The following CDK5RAP3 variants were observed in gnomAD, a reference collection of about 807,000 sequenced individuals.
The protein encoded by CDK5RAP3 is CDK5 regulatory subunit associated protein 3.
In CDK5RAP3, 58 loss-of-function variants were observed where a neutral mutation model predicts 73.3. That is an observed-to-expected ratio of 0.79 (90% CI 0.64 to 0.98). The LOEUF (loss-of-function observed/expected upper bound fraction) is 0.98. Among genes scored for constraint, CDK5RAP3 ranks in the 50% least tolerant of loss-of-function variants. CDK5RAP3 has a pLI of 0.00. For missense variants in CDK5RAP3, 525 were observed against 615.8 expected, an observed-to-expected ratio of 0.85 and a Z score of 1.56; for synonymous variants, 224 against 247.5, an observed-to-expected ratio of 0.91 and a Z score of 0.89.
At chr17:47,976,081 C>G in intron 8 of CDK5RAP3, 68 bp downstream of exon 8, 2 of 1,549,802 alleles carry the variant, frequency 1.3e-6, no homozygotes, top group Non-Finnish European at 1.8e-6. Context: ...CCACCCCCAA[C>G]AGCCCAACCC....
At chr17:47,980,491 T>C (rs1222223530) in intron 11 of CDK5RAP3, 102 bp from the exon 12 acceptor site, 4 of 1,007,574 alleles carry the variant, frequency 4.0e-6, no homozygotes, top group Non-Finnish European at 6.3e-6. Flanking sequence ...GGTCTTGAAC[T>C]CCTGGCCTCA....
Position 47,981,621 on chromosome 17 carries a change from A to C in CDK5RAP3, c.*119A>C, listed in dbSNP as rs1043577. On this transcript the variant is annotated 3_prime_UTR_variant, in exon 14 of 14. Coordinates refer to ENST00000338399, the MANE Select transcript of CDK5RAP3 (RefSeq NM_176096.3). ...CAGGCTGACTGGAAGATGGAAAGCC[A>C]CAGGAAGGAAGCGGCACCTGATGGT... is the stretch of plus-strand genomic sequence containing the variant. The C allele has an allele frequency of 6.3e-7, 1 of 1,586,936 alleles. No homozygotes were observed. The highest frequency in any genetic ancestry group is 1.1e-5 in the South Asian group (1 of 88,312).
upstream of CDK5RAP3, among the ~76,000 whole-genome samples, chr17:47,968,317 CAT>C (rs1042661955): frequency 6.6e-6 from 1 of 151,748 alleles, no homozygotes; most frequent in African/African-American, 2.4e-5. Flanking sequence ...TCATATATGA[CAT>C]ATATATATAT....
At chr17:47,970,739 T>G, upstream of CDK5RAP3, 1 of 1,533,660 alleles carries the variant, frequency 6.5e-7, no homozygotes, top group African/African-American at 1.4e-5. Context: ...TGCAACGGCC[T>G]CCCAGATCGG....
At chr17:47,972,546 C>T (rs1009277182) in intron 2 of CDK5RAP3, among the ~76,000 whole-genome samples, 1 of 152,196 alleles carries the variant, frequency 6.6e-6, no homozygotes, top group Non-Finnish European at 1.5e-5. Context: ...TTGGTGGTCA[C>T]GGGGGAAGCT....
chr17:47,975,631 T>C lies in CDK5RAP3; in HGVS notation c.631T>C (p.Ser211Pro), dbSNP rs755483548. ...GGAAGCCATTGACGTGTACCAGGCGTCTGTGGGGTTTGTGTGTGAGAGGTA... is the reference window on the plus strand; with the variant it reads ...GGAAGCCATTGACGTGTACCAGGCGCCTGTGGGGTTTGTGTGTGAGAGGTA... The part of the protein sequence containing the change: ...LGEAIDVYQA[S>P]VGFVCESPTE... Residue 211 changes from serine to proline, a missense_variant, in exon 7 of 14, where the codon TCT becomes CCT. Physicochemically the swap from Ser to Pro is moderately conservative, Grantham distance 74. Transcript: ENST00000338399. The C allele has an allele frequency of 1.2e-6, 2 of 1,603,462 alleles. No homozygotes were observed. Among genetic ancestry groups the C allele is most frequent in the Non-Finnish European group, 1.7e-6 (2 of 1,178,714 alleles).
Position 47,974,400 on chromosome 17 carries a change from G to C in CDK5RAP3, c.286G>C (p.Asp96His). Residue 96 changes from aspartate (D) to histidine (H), a missense_variant and splice_region_variant, in exon 5 of 14, where the codon GAT (aspartate) becomes CAT (histidine). Asp to His is a moderately conservative substitution (Grantham distance 81, BLOSUM62 -1). Transcript: ENST00000338399. ...FGRYSSQRMK[D>H]WQEIIALYEK... Reference sequence around the variant, plus strand: ...ACATTGTTTTTCTGTTCTTACTCAGGATTGGCAGGAGATTATAGCTCTGTA... The same window carrying C: ...ACATTGTTTTTCTGTTCTTACTCAGCATTGGCAGGAGATTATAGCTCTGTA... The C allele has an allele frequency of 6.2e-7, 1 of 1,613,626 alleles. No homozygotes were observed. The highest frequency in any genetic ancestry group is 8.5e-7 in the Non-Finnish European group (1 of 1,179,492).
rs911939889 is a variant in CDK5RAP3 at position 47,975,602 on chromosome 17, T to G, written c.602T>G (p.Leu201Arg). 6.2e-7 allele frequency: 1 copy of G among 1,608,394 alleles called. No individual in the cohort carries two copies. The highest frequency in any genetic ancestry group is 1.3e-5 in the African/African-American group (1 of 74,934). Residue 201 changes from leucine (L) to arginine (R), a missense_variant, in exon 7 of 14, where the codon CTG (leucine) becomes CGG (arginine). Coordinates refer to ENST00000338399, the MANE Select transcript of CDK5RAP3 (RefSeq NM_176096.3). Reference sequence around the variant, plus strand: ...ATTGGGGCAGCGGCTCAGCAGTCCCTGGGGGAAGCCATTGACGTGTACCAG... The same window carrying G: ...ATTGGGGCAGCGGCTCAGCAGTCCCGGGGGGAAGCCATTGACGTGTACCAG... ...AEIGAAAQQS[L>R]GEAIDVYQAS...
chr17:47,971,518 A>G, intron 2 of CDK5RAP3, 111 bp downstream of exon 2: 1 of 1,052,792 alleles, frequency 9.5e-7, no homozygotes, highest in Non-Finnish European at 1.4e-6. Context: ...CGAGATGCTG[A>G]CCACTGGCCT....
In CDK5RAP3 at chr17:47,975,163, A is replaced by G; in HGVS notation, c.339A>G (p.Glu113=). 3 of 1,614,024 alleles carry G rather than the reference A, an allele frequency of 1.9e-6. No homozygotes were observed. The highest frequency in any genetic ancestry group is 2.5e-6 in the Non-Finnish European group (3 of 1,179,996). ...LYEKDNTYLV[E]LSSLLVRNVN... ...AATTTCCTGGGCACTTCTCAGTGGA[A>G]CTCTCTAGCCTCCTGGTTCGGAATG... Residue 113 remains glutamate, a synonymous_variant, in exon 6 of 14, where the codon GAA becomes GAG. Coordinates refer to ENST00000338399, the MANE Select transcript of CDK5RAP3 (RefSeq NM_176096.3).
At chr17:47,971,547 T>A in intron 2 of CDK5RAP3, 140 bp downstream of exon 2, 1 of 786,778 alleles carries the variant, frequency 1.3e-6, no homozygotes, top group Non-Finnish European at 2.0e-6. Flanking sequence ...GCCCCATCTG[T>A]GGCCAGACCT....
chr17:47,978,036 G>T, intron 10 of CDK5RAP3, 126 bp downstream of exon 10: 1 of 628,942 alleles, frequency 1.6e-6, no homozygotes, highest in Non-Finnish European at 2.7e-6. Context: ...TCAAAACCTT[G>T]ATGAGGATGT....
chr17:47,971,935 C>A (rs980468576), intron 2 of CDK5RAP3, among the ~76,000 whole-genome samples: 2 of 152,128 alleles, frequency 1.3e-5, no homozygotes, highest in African/African-American at 2.4e-5. Context: ...GCAGAGGTTG[C>A]GGTGAGCAGA....
chr17:47,974,697 G>T, intron 5 of CDK5RAP3: 1 of 1,352,138 alleles, frequency 7.4e-7, no homozygotes, highest in South Asian at 1.5e-5. Flanking sequence ...AGGTGTGTGT[G>T]GGTCCTCCAC....
chr17:47,968,259 T>C (rs1418880842), upstream of CDK5RAP3, among the ~76,000 whole-genome samples: 2 of 152,102 alleles, frequency 1.3e-5, no homozygotes, highest in Non-Finnish European at 2.9e-5. Context: ...TTCAGCTCTA[T>C]GAGCCATTTT....
At chr17:47,973,672 C>G in intron 3 of CDK5RAP3, 22 bp downstream of exon 3, 1 of 1,612,460 alleles carries the variant, frequency 6.2e-7, no homozygotes, top group Non-Finnish European at 8.5e-7. Context: ...GGGGCTGTCA[C>G]TGGAGTCCCC....
upstream of CDK5RAP3, among the ~76,000 whole-genome samples, chr17:47,968,173 C>A (rs1029017372): frequency 2.0e-5 from 3 of 152,150 alleles, no homozygotes; most frequent in African/African-American, 7.2e-5. Flanking sequence ...GGAGCCTGAG[C>A]AATTCCTACA....
chr17:47,974,341 C>A, intron 4 of CDK5RAP3, 59 bp from the exon 5 acceptor site: 1 of 1,404,310 alleles, frequency 7.1e-7, no homozygotes, highest in Non-Finnish European at 1.0e-6. Context: ...AGGGATTGAG[C>A]TGGGATGTGG....
upstream of CDK5RAP3, chr17:47,970,585 C>T (rs1374785180): frequency 3.0e-6 from 4 of 1,327,590 alleles, no homozygotes; most frequent in African/African-American, 1.5e-5. Context: ...CTTCCCCTTC[C>T]CTGCCCTAAT....
Sources: allele counts gnomAD v4.1 joint callset (sites outside exome capture counted in the v4.1 genomes callset), GRCh38; gene constraint gnomAD v4.1.1; transcripts MANE v1.5; gene names NCBI Gene and HGNC (gene_info 2026-07-23, HGNC 2026-07-21).